The following NPIPB8 variants were observed in gnomAD, a reference collection of about 807,000 sequenced individuals.
The protein encoded by NPIPB8 is nuclear pore complex-interacting protein family member B8.
A neutral mutation model predicts 5.3 loss-of-function variants in NPIPB8; 3 were observed. The observed-to-expected ratio is 0.57, with a 90% confidence interval of 0.26 to 1.47. The LOEUF is 1.47. Ranked by LOEUF, NPIPB8 falls within the 40% of genes most tolerant of loss-of-function variation. The pLI is 0.13. For missense variants in NPIPB8, 50 were observed against 50.2 expected, an observed-to-expected ratio of 1.00 and a Z score of 0.01; for synonymous variants, 18 against 23.0, an observed-to-expected ratio of 0.78 and a Z score of 0.62.
chr16:28,643,053 G>A (rs993838255), intron 2 of NPIPB8, among the ~76,000 whole-genome samples: 5 of 151,992 alleles, frequency 3.3e-5, no homozygotes, highest in African/African-American at 1.2e-4. Flanking sequence ...GTCTGTCCTG[G>A]TCACCAGACC....
rs1296530788 is a variant in NPIPB8 at position 28,645,118 on chromosome 16, A to C, written c.121-3017A>C. ...GAGTGCAGTGGCAAGATCTCGGCTC[A>C]CTGCAACCTCCGCTTCCGGGGTTCA... On this transcript the variant is annotated intron_variant, in intron 2 of 7. Transcript: ENST00000683297. 1.6e-5 allele frequency among the ~76,000 whole-genome samples: 2 copies of C among 125,920 alleles called. 1 individual carries two copies. Among genetic ancestry groups the C allele is most frequent in the African/African-American group, 5.8e-5 (2 of 34,190 alleles). The allele number at this position is 125,920 out of a possible 152,430, so 82.6% of individuals were successfully genotyped here.
chr16:28,642,628 G>T (rs985823738), intron 2 of NPIPB8, among the ~76,000 whole-genome samples: 12 of 150,710 alleles, frequency 8.0e-5, no homozygotes, highest in African/African-American at 2.9e-4. Flanking sequence ...GGGACTACAG[G>T]TGCCCACCAC....
At chr16:28,645,039 C>CT (rs1241912180) in intron 2 of NPIPB8, among the ~76,000 whole-genome samples, 2,536 of 66,294 alleles carry the variant, frequency 0.038, 239 homozygotes, top group Middle Eastern at 0.06. Flanking sequence ...GGTTTGATGA[C>CT]TTTTTTTTTT....
chr16:28,639,444 C>CAT (rs1340453842), intron 2 of NPIPB8, among the ~76,000 whole-genome samples: 2,714 of 116,884 alleles, frequency 0.023, 126 homozygotes, highest in East Asian at 0.079. Flanking sequence ...CACACACACA[C>CAT]ATATATATAT....
intron 5 of NPIPB8, among the ~76,000 whole-genome samples, chr16:28,652,593 G>C (rs1330063469): frequency 9.2e-6 from 1 of 109,210 alleles, no homozygotes; most frequent in Non-Finnish European, 1.8e-5. Flanking sequence ...TACTGGCATT[G>C]GTTTTCCTTT....
At chr16:28,641,514 C>A (rs1212620616) in intron 2 of NPIPB8, among the ~76,000 whole-genome samples, 1 of 141,724 alleles carries the variant, frequency 7.1e-6, no homozygotes, top group African/African-American at 2.5e-5. Flanking sequence ...GTGCCCAGAC[C>A]CTCATTCTTA....
intron 2 of NPIPB8, among the ~76,000 whole-genome samples, chr16:28,642,690 G>A (rs569179627): frequency 2.0e-5 from 3 of 150,526 alleles, no homozygotes; most frequent in South Asian, 4.2e-4. Flanking sequence ...CACCATATTG[G>A]CCAGGCTGGT....
chr16:28,638,989 G>A (rs2047842778), intron 2 of NPIPB8, among the ~76,000 whole-genome samples: 1 of 149,866 alleles, frequency 6.7e-6, no homozygotes, highest in Non-Finnish European at 1.5e-5. Context: ...GAATTGCTTA[G>A]ATTCAGGAGG....
At chr16:28,645,083 G>A (rs865899956) in intron 2 of NPIPB8, among the ~76,000 whole-genome samples, 1,458 of 118,438 alleles carry the variant, frequency 0.012, 142 homozygotes, top group Non-Finnish European at 0.02. Flanking sequence ...TCATTCTGTC[G>A]CCCAGGCTGG....
At chr16:28,645,306 C>T (rs1341817099) in intron 2 of NPIPB8, among the ~76,000 whole-genome samples, 2 of 92,390 alleles carry the variant, frequency 2.2e-5, no homozygotes, top group African/African-American at 4.0e-5. Context: ...GGATTACAGG[C>T]GTGAGCCACC....
chr16:28,647,313 CACCTGT>C (rs1424878494), intron 2 of NPIPB8, among the ~76,000 whole-genome samples: 2 of 5,502 alleles, frequency 3.6e-4, no homozygotes, highest in Non-Finnish European at 5.9e-4. Context: ...CATTGTCAGG[CACCTGT>C]ACTCCCAGCT....
intron 2 of NPIPB8, among the ~76,000 whole-genome samples, chr16:28,645,010 C>A (rs1596682007): frequency 1.1e-5 from 1 of 91,944 alleles, no homozygotes; most frequent in Non-Finnish European, 2.2e-5. Flanking sequence ...AGTGAAATGT[C>A]ATTTGATTTG....
intron 2 of NPIPB8, among the ~76,000 whole-genome samples, chr16:28,642,635 C>G (rs376637872): frequency 1.3e-5 from 2 of 151,118 alleles, no homozygotes; most frequent in Non-Finnish European, 3.0e-5. Flanking sequence ...CAGGTGCCCA[C>G]CACCACACCC....
intron 2 of NPIPB8, 77 bp downstream of exon 2, chr16:28,638,557 G>C (rs560915648): frequency 9.7e-6 from 14 of 1,442,458 alleles, no homozygotes; most frequent in Non-Finnish European, 1.2e-5. Context: ...ATCTCATAGC[G>C]GGTGATGCTG....
intron 2 of NPIPB8, among the ~76,000 whole-genome samples, chr16:28,645,413 TTTTA>T (rs1194182452): frequency 2.5e-5 from 1 of 40,488 alleles, no homozygotes; most frequent in Admixed American, 2.8e-4. Flanking sequence ...ATCTACATTA[TTTTA>T]TTTATTTATT....
chr16:28,644,599 C>G (rs574153914), intron 2 of NPIPB8: 1 of 1,528,088 alleles, frequency 6.5e-7, no homozygotes, highest in Non-Finnish European at 8.8e-7. Context: ...CATGCGGCTG[C>G]GCTTTTGGCT....
At chr16:28,652,634 G>C (rs1221086176) in intron 5 of NPIPB8, among the ~76,000 whole-genome samples, 1 of 117,614 alleles carries the variant, frequency 8.5e-6, no homozygotes, top group Non-Finnish European at 1.8e-5. Context: ...TCCTGAGATG[G>C]AGCTTTGCTG....
At chr16:28,639,416 G>T (rs62035132) in intron 2 of NPIPB8, among the ~76,000 whole-genome samples, 1 of 130,844 alleles carries the variant, frequency 7.6e-6, no homozygotes, top group African/African-American at 2.9e-5. Flanking sequence ...CACACACACA[G>T]ACACACACAC....
rs201292300 is a variant in NPIPB8, at chr16:28,638,402, C to G, written c.42C>G (p.Ser14=). The G allele has an allele frequency of 1.7e-4, 267 of 1,571,956 alleles. 7 individuals are homozygous for G. Among genetic ancestry groups the G allele is most frequent in the South Asian group, 7.4e-4 (65 of 88,098 alleles). ...TTGTCCTGACCCCACAGTTCCTGTCCCATGACCAGGGCCAGCTCACCAAGG... is the reference window on the plus strand; with the variant it reads ...TTGTCCTGACCCCACAGTTCCTGTCGCATGACCAGGGCCAGCTCACCAAGG... ...LSIVLTPQFL[S]HDQGQLTKEL... The change falls in exon 2 of 8, where the codon TCC becomes TCG. Residue 14 remains serine, a synonymous_variant. Transcript: ENST00000683297.
Sources: gnomAD v4.1 joint callset for allele counts (sites outside exome capture counted in the v4.1 genomes callset) on GRCh38, gnomAD v4.1.1 for gene constraint, MANE v1.5 for transcripts, NCBI Gene and HGNC (gene_info 2026-07-23, HGNC 2026-07-21) for gene names.